Variants in SLC40A1 observed in about 807,000 individuals in gnomAD.
SLC40A1 encodes solute carrier family 40 member 1, also known as ferroportin.
In SLC40A1, 16 loss-of-function variants were observed where a neutral mutation model predicts 53.5. That is an observed-to-expected ratio of 0.30 (90% CI 0.20 to 0.45). The LOEUF is 0.45. SLC40A1 is among the 20% of genes least tolerant of loss of function. SLC40A1 has a pLI of 1.00. For synonymous variants in SLC40A1, 247 were observed against 253.2 expected, an observed-to-expected ratio of 0.98 and a Z score of 0.23; for missense variants, 545 against 695.4, an observed-to-expected ratio of 0.78 and a Z score of 2.43.
chr2:189,563,274 T>TAA (rs2030812585), intron 7 of SLC40A1, among the ~76,000 whole-genome samples: 1 of 117,334 alleles, frequency 8.5e-6, no homozygotes. Context: ...GACCCTGATC[T>TAA]CAAAAAAAAA....
At chr2:189,571,283 A>G (rs539139338) in intron 5 of SLC40A1, among the ~76,000 whole-genome samples, 2 of 152,176 alleles carry the variant, frequency 1.3e-5, no homozygotes, top group Admixed American at 1.3e-4. Flanking sequence ...ATTAACTTCT[A>G]GAGTCTCTCC....
At chr2:189,577,719 ATT>A (rs1334185961) in intron 2 of SLC40A1, among the ~76,000 whole-genome samples, 1 of 151,026 alleles carries the variant, frequency 6.6e-6, no homozygotes, top group Non-Finnish European at 1.5e-5. Context: ...GGTTCAAGCA[ATT>A]CTTCCACCTC....
intron 5 of SLC40A1, 149 bp from the exon 6 acceptor site, chr2:189,565,748 G>GA: frequency 1.6e-6 from 2 of 1,212,934 alleles, no homozygotes; most frequent in South Asian, 1.3e-5. Context: ...CATTTTGTTG[G>GA]AAAAATATTT....
At chr2:189,579,775 T>G in intron 2 of SLC40A1, 38 bp downstream of exon 2, 1 of 1,563,560 alleles carries the variant, frequency 6.4e-7, no homozygotes, top group Non-Finnish European at 8.8e-7. Flanking sequence ...AATAAAAAAT[T>G]GCGCAACTGT....
At chr2:189,565,006 CAG>C (rs2030887153) in intron 6 of SLC40A1, among the ~76,000 whole-genome samples, 1 of 152,202 alleles carries the variant, frequency 6.6e-6, no homozygotes, top group Non-Finnish European at 1.5e-5. Flanking sequence ...TCCCTCCTCA[CAG>C]AGTCCAAGGG....
At chr2:189,564,831 C>G (rs747627143) in intron 6 of SLC40A1, among the ~76,000 whole-genome samples, 3 of 152,104 alleles carry the variant, frequency 2.0e-5, no homozygotes, top group African/African-American at 4.8e-5. Flanking sequence ...CAGAGCGAGA[C>G]TCTGTCTCAA....
intron 3 of SLC40A1, 53 bp from the exon 4 acceptor site, chr2:189,573,014 C>G (rs1201077068): frequency 2.7e-5 from 31 of 1,162,370 alleles, no homozygotes; most frequent in South Asian, 2.5e-5. Flanking sequence ...CTCAGTGAGA[C>G]TGTTCTTATC....
intron 5 of SLC40A1, 80 bp downstream of exon 5, chr2:189,571,635 G>A: frequency 6.4e-7 from 1 of 1,561,846 alleles, no homozygotes; most frequent in African/African-American, 1.4e-5. Context: ...AAAAATACAA[G>A]GCTTACAGCC....
chr2:189,567,966 A>G (rs1349972994), intron 5 of SLC40A1, among the ~76,000 whole-genome samples: 1 of 152,222 alleles, frequency 6.6e-6, no homozygotes. Flanking sequence ...GAAAACATAT[A>G]TTTGAATCTT....
At chr2:189,573,651 G>A (rs752567590) in intron 3 of SLC40A1, among the ~76,000 whole-genome samples, 2 of 152,136 alleles carry the variant, frequency 1.3e-5, no homozygotes, top group Non-Finnish European at 2.9e-5. Context: ...CATCTCTTAC[G>A]CCTGCGTCTA....
Position 189,580,717 on chromosome 2 carries a change from TG to T in SLC40A1, c.-258del, listed in dbSNP as rs2031440780. 7 of 1,398,740 alleles carry T rather than the reference TG, an allele frequency of 5.0e-6. No individual in the cohort carries two copies. In the South Asian group the frequency reaches 1.0e-4, roughly 20 times the overall value. The allele number at this position is 1,398,740 out of a possible 1,614,324, so 86.6% of individuals were successfully genotyped here. On this transcript the variant is annotated 5_prime_UTR_variant, in exon 1 of 8. Coordinates refer to ENST00000261024, the MANE Select transcript of SLC40A1 (RefSeq NM_014585.6). ...AAGGCAAAGCCTTATGGAAGCGGTT[TG>T]GGAGGCTCAGCAGGTCGTCCGAGCC...
intron 2 of SLC40A1, 124 bp from the exon 3 acceptor site, chr2:189,575,444 A>C (rs2031259313): frequency 1.2e-6 from 1 of 856,096 alleles, no homozygotes; most frequent in Admixed American, 2.0e-5. Flanking sequence ...CAAAGTCAGT[A>C]ATTACTCTTA....
intron 3 of SLC40A1, 151 bp downstream of exon 3, chr2:189,575,010 G>A: frequency 1.2e-6 from 1 of 844,588 alleles, no homozygotes; most frequent in Middle Eastern, 3.3e-4. Flanking sequence ...CCTCCATCCA[G>A]AGGTGGTGCC....
intron 2 of SLC40A1, among the ~76,000 whole-genome samples, chr2:189,576,083 T>C (rs34206448): frequency 0.22 from 33,922 of 152,114 alleles, 4,009 homozygotes; most frequent in Non-Finnish European, 0.27. Flanking sequence ...TGGAGTTCAT[T>C]ACCGTGAAAT....
chr2:189,580,607 T>C lies in SLC40A1; in HGVS notation c.-147A>G, dbSNP rs765263473. On this transcript the variant is annotated 5_prime_UTR_variant, in exon 1 of 8. Coordinates refer to ENST00000261024, the MANE Select transcript of SLC40A1 (RefSeq NM_014585.6). ...GGGCAAAAAGACTACAACGACGACT[T>C]TGGCAAAGAACAAAAGAAAAGGGGC... 67 of 1,558,552 alleles carry C rather than the reference T, an allele frequency of 4.3e-5. No homozygotes were observed. In the Admixed American group the frequency reaches 4.3e-4, roughly 10 times the overall value.
At position 189,561,587 on chromosome 2, in the gene SLC40A1, TA is replaced by T. The variant is rs1352250276; in HGVS notation, c.*290del. 23 of 354,008 alleles carry T rather than the reference TA, an allele frequency of 6.5e-5. 1 individual carries two copies. In the East Asian group the frequency reaches 1.3e-3, roughly 20 times the overall value. The allele number at this position is 354,008 out of a possible 1,614,324, so 21.9% of individuals were successfully genotyped here. ...GAATTCACGTGACTAACCACTCTTT[TA>T]CGTAAGATTGTATCTACTCATGAGA... On this transcript the variant is annotated 3_prime_UTR_variant, in exon 8 of 8. Coordinates refer to ENST00000261024, the MANE Select transcript of SLC40A1 (RefSeq NM_014585.6).
intron 2 of SLC40A1, chr2:189,578,243 T>G (rs1043243356): frequency 1.0e-6 from 1 of 997,988 alleles, no homozygotes; most frequent in African/African-American, 1.7e-5. Context: ...ATTCCTCTTT[T>G]GCACTCCTTT....
chr2:189,564,819 G>A (rs12468999), intron 6 of SLC40A1, among the ~76,000 whole-genome samples: 79,425 of 151,900 alleles, frequency 0.52, 23,486 homozygotes, highest in East Asian at 0.79. Flanking sequence ...CAGCCTGGGC[G>A]ACAGAGCGAG....
intron 5 of SLC40A1, among the ~76,000 whole-genome samples, chr2:189,566,043 T>G (rs912174587): frequency 3.3e-5 from 5 of 150,028 alleles, no homozygotes; most frequent in Non-Finnish European, 7.4e-5. Flanking sequence ...TGTGTGTGCG[T>G]GTGTGTGTGT....
Sources: allele counts gnomAD v4.1 joint callset (sites outside exome capture counted in the v4.1 genomes callset), GRCh38; gene constraint gnomAD v4.1.1; transcripts MANE v1.5; gene names NCBI Gene and HGNC (gene_info 2026-07-23, HGNC 2026-07-21).